TENM3: variants seen among roughly 807,000 people sequenced by gnomAD.
TENM3 encodes the protein teneurin transmembrane protein 3, also known as teneurin-3.
A neutral mutation model predicts 255.1 loss-of-function variants in TENM3; 63 were observed. The ratio of observed to expected loss-of-function variants is 0.25; its 90% CI spans 0.20 to 0.30. The LOEUF is 0.30. Ranked by LOEUF, TENM3 falls within the 10% of genes least tolerant of loss-of-function variation. The pLI is 1.00. For synonymous variants in TENM3, 1,306 were observed against 1,322.3 expected (o/e 0.99, Z 0.27); for missense variants, 2,929 against 3,461.1 (o/e 0.85, Z 3.86).
intron 1 of TENM3, among the ~76,000 whole-genome samples, chr4:182,173,308 CAG>C (rs1243339975): frequency 6.6e-6 from 1 of 152,122 alleles, no homozygotes; most frequent in African/African-American, 2.4e-5. Context: ...AATGCAATGT[CAG>C]AGTGAACATT....
At chr4:181,533,580 C>A in the TENM3 span, among the ~76,000 whole-genome samples, 14 of 152,260 alleles carry the variant, frequency 9.2e-5, no homozygotes, top group African/African-American at 3.4e-4. Flanking sequence ...CGATCTTCCA[C>A]TGGGGTCTCC....
the TENM3 span, among the ~76,000 whole-genome samples, chr4:181,585,797 C>G: frequency 6.6e-6 from 1 of 152,104 alleles, no homozygotes; most frequent in African/African-American, 2.4e-5. Context: ...TATTTCACTT[C>G]TTTATATATT....
the TENM3 span, among the ~76,000 whole-genome samples, chr4:181,723,911 G>A: frequency 1.1e-3 from 174 of 152,302 alleles, no homozygotes; most frequent in African/African-American, 4.2e-3. Context: ...GTATCCCTCT[G>A]AAGAGACATC....
the TENM3 span, among the ~76,000 whole-genome samples, chr4:181,714,069 G>C: frequency 1.3e-5 from 2 of 152,154 alleles, no homozygotes; most frequent in African/African-American, 4.8e-5. Flanking sequence ...CATCCCCTGG[G>C]CATAGTGGTC....
At chr4:181,605,555 A>AG in the TENM3 span, among the ~76,000 whole-genome samples, 20 of 29,724 alleles carry the variant, frequency 6.7e-4, 2 homozygotes, top group South Asian at 7.1e-3. Context: ...AGAAAGAAAG[A>AG]AAGAAAGAAA....
the TENM3 span, among the ~76,000 whole-genome samples, chr4:181,507,291 G>C: frequency 6.6e-6 from 1 of 152,194 alleles, no homozygotes; most frequent in Non-Finnish European, 1.5e-5. Flanking sequence ...AAAGCCTTCA[G>C]GGTGAGAATT....
At chr4:181,607,991 T>A in the TENM3 span, among the ~76,000 whole-genome samples, 1 of 152,228 alleles carries the variant, frequency 6.6e-6, no homozygotes, top group Admixed American at 6.5e-5. Flanking sequence ...TCTCAAATCA[T>A]ATCAAATATT....
chr4:182,025,368 GTGTA>G, the TENM3 span, among the ~76,000 whole-genome samples: 1 of 152,288 alleles, frequency 6.6e-6, no homozygotes, highest in South Asian at 2.1e-4. Context: ...ATTCCATTGT[GTGTA>G]TGTACCACAT....
the TENM3 span, among the ~76,000 whole-genome samples, chr4:182,082,531 A>G: frequency 6.6e-6 from 1 of 152,248 alleles, no homozygotes; most frequent in Non-Finnish European, 1.5e-5. Flanking sequence ...ATTTCAAAGC[A>G]CAATTATATG....
At chr4:182,334,070 G>A (rs1763947027) in intron 2 of TENM3, among the ~76,000 whole-genome samples, 1 of 152,056 alleles carries the variant, frequency 6.6e-6, no homozygotes, top group African/African-American at 2.4e-5. Flanking sequence ...TTCATAGATT[G>A]TGCTGTAGTT....
the TENM3 span, among the ~76,000 whole-genome samples, chr4:181,562,150 A>G: frequency 6.6e-6 from 1 of 152,092 alleles, no homozygotes; most frequent in Admixed American, 6.6e-5. Flanking sequence ...ATGTTACTTA[A>G]TTAGTTTCTT....
chr4:182,737,977 C>T (rs1261328031), intron 17 of TENM3, among the ~76,000 whole-genome samples: 1 of 152,092 alleles, frequency 6.6e-6, no homozygotes. Context: ...TTGAACCTTA[C>T]TTATCATAAA....
At chr4:181,808,248 T>C in the TENM3 span, among the ~76,000 whole-genome samples, 2 of 152,218 alleles carry the variant, frequency 1.3e-5, no homozygotes, top group African/African-American at 2.4e-5. Context: ...CAATATGCTA[T>C]ATCTCTTCAT....
chr4:181,852,495 A>C, the TENM3 span, among the ~76,000 whole-genome samples: 1 of 152,172 alleles, frequency 6.6e-6, no homozygotes, highest in South Asian at 2.1e-4. Context: ...AAAATCAAAA[A>C]ACAAAATCTG....
At chr4:182,483,410 C>T (rs897286594) in intron 3 of TENM3, among the ~76,000 whole-genome samples, 4 of 152,154 alleles carry the variant, frequency 2.6e-5, no homozygotes, top group Non-Finnish European at 5.9e-5. Flanking sequence ...TTTGTAGTCA[C>T]ATAGTTAATG....
the TENM3 span, among the ~76,000 whole-genome samples, chr4:181,479,607 A>C: frequency 6.6e-6 from 1 of 152,114 alleles, no homozygotes; most frequent in Non-Finnish European, 1.5e-5. Context: ...AATTTTAAAA[A>C]ACACACACAG....
At chr4:182,221,315 G>C (rs1306801397) in intron 1 of TENM3, among the ~76,000 whole-genome samples, 2 of 152,124 alleles carry the variant, frequency 1.3e-5, no homozygotes, top group African/African-American at 4.8e-5. Flanking sequence ...TTAAGGATTT[G>C]CCTTGACATT....
intron 1 of TENM3, among the ~76,000 whole-genome samples, chr4:182,258,018 T>C (rs1020909147): frequency 3.3e-5 from 5 of 152,100 alleles, no homozygotes; most frequent in African/African-American, 1.2e-4. Context: ...CAGGAGTATA[T>C]AGTATAAATG....
chr4:182,524,352 CTTTTTTTTTTTTTT>C lies in TENM3; in HGVS notation c.512-76558_512-76545del, dbSNP rs138783384. On this transcript the variant is annotated intron_variant, in intron 3 of 27. Coordinates refer to ENST00000511685, the MANE Select transcript of TENM3 (RefSeq NM_001080477.4). ...GTTAATATACCTCCACACTGATGAG[CTTTTTTTTTTTTTT>C]TTTTTTTTTTTTTGAGTCAGAGTCT... 1.2e-4 allele frequency among the ~76,000 whole-genome samples: 7 copies of C among 59,444 alleles called. No individual in the cohort carries two copies. The South Asian group carries it at 5.8e-3, about 49-fold the overall frequency. The allele number at this position is 59,444 out of a possible 152,430, so 39.0% of individuals were successfully genotyped here. A position where few individuals can be genotyped will look rare whatever the true frequency, so the allele number is the denominator to read the frequency against.
Sources: allele counts gnomAD v4.1 joint callset (sites outside exome capture counted in the v4.1 genomes callset), GRCh38; gene constraint gnomAD v4.1.1; transcripts MANE v1.5; gene names NCBI Gene and HGNC (gene_info 2026-07-23, HGNC 2026-07-21).